The following MEGF11 variants were observed in gnomAD, a reference collection of about 807,000 sequenced individuals.
The protein encoded by MEGF11 is multiple epidermal growth factor-like domains protein 11.
In MEGF11, 126 loss-of-function variants were observed where a neutral mutation model predicts 146.6. The observed-to-expected ratio is 0.86, with a 90% CI of 0.74 to 1.00. The LOEUF is 1.00. MEGF11 is among the 50% of genes least tolerant of loss of function. The probability of loss-of-function intolerance (pLI) is 0.00; values close to 1 mark genes in which losing one functional copy is unlikely to be tolerated. For synonymous variants in MEGF11, 532 were observed against 583.4 expected, an observed-to-expected ratio of 0.91 and a Z score of 1.27; for missense variants, 1,509 against 1,521.2, an observed-to-expected ratio of 0.99 and a Z score of 0.13.
intron 10 of MEGF11, among the ~76,000 whole-genome samples, chr15:65,939,763 G>A (rs2141364891): frequency 6.6e-6 from 1 of 152,224 alleles, no homozygotes; most frequent in Non-Finnish European, 1.5e-5. Context: ...AAAGTGCTGG[G>A]ATTACAGGCG....
At chr15:66,164,196 A>G (rs2090036366) in intron 1 of MEGF11, among the ~76,000 whole-genome samples, 1 of 152,078 alleles carries the variant, frequency 6.6e-6, no homozygotes, top group African/African-American at 2.4e-5. Context: ...CCTTTCCTCC[A>G]TCTTCTATTA....
chr15:66,107,054 A>ACCCCCCCC lies in MEGF11; in HGVS notation c.301+12031_301+12032insGGGGGGGG, dbSNP rs35937464. Among the ~76,000 whole-genome samples the ACCCCCCCC allele has an allele frequency of 1.1e-3, 143 of 132,382 alleles. 1 individual carries two copies. Among genetic ancestry groups the ACCCCCCCC allele is most frequent in the African/African-American group, 3.9e-3 (134 of 34,350 alleles). The allele number at this position is 132,382 out of a possible 152,430, so 86.8% of individuals were successfully genotyped here. A position where few individuals can be genotyped will look rare whatever the true frequency, so the allele number is the denominator to read the frequency against. ...CCTGTAGTTCAATGTTTATATTCCT[A>ACCCCCCCC]CCCCCCCACCAGGTATAGACAGGGA... On this transcript the variant is annotated intron_variant, in intron 4 of 25. Transcript: ENST00000395614.
chr15:66,003,800 C>A (rs1048084361), intron 5 of MEGF11, among the ~76,000 whole-genome samples: 2 of 152,152 alleles, frequency 1.3e-5, no homozygotes, highest in African/African-American at 4.8e-5. Context: ...CCAGTCCCTC[C>A]ATTCACCCCT....
At chr15:65,952,674 GCACTCC>G (rs1055418276) in intron 10 of MEGF11, among the ~76,000 whole-genome samples, 82 of 152,288 alleles carry the variant, frequency 5.4e-4, no homozygotes, top group African/African-American at 1.9e-3. Context: ...CCACTTGTAA[GCACTCC>G]CACTGGAATG....
intron 1 of MEGF11, among the ~76,000 whole-genome samples, chr15:66,166,902 G>A (rs1422109879): frequency 6.6e-6 from 1 of 152,162 alleles, no homozygotes; most frequent in African/African-American, 2.4e-5. Context: ...GATTCTTACA[G>A]CTACAGGGTG....
chr15:66,230,567 A>G (rs2140197667), intron 1 of MEGF11, among the ~76,000 whole-genome samples: 1 of 152,378 alleles, frequency 6.6e-6, no homozygotes, highest in South Asian at 2.1e-4. Context: ...AAAGTTAATA[A>G]TAATAATGAT....
intron 22 of MEGF11, 108 bp from the exon 23 acceptor site, chr15:65,909,243 G>T: frequency 2.6e-6 from 2 of 781,698 alleles, no homozygotes; most frequent in Non-Finnish European, 4.3e-6. Flanking sequence ...GAGGCAGGCT[G>T]GGAGGACTTG....
At chr15:66,205,413 C>T (rs1241234782) in intron 1 of MEGF11, among the ~76,000 whole-genome samples, 1 of 152,122 alleles carries the variant, frequency 6.6e-6, no homozygotes, top group Non-Finnish European at 1.5e-5. Flanking sequence ...CACTGCAATT[C>T]AGCCTGGGAG....
At chr15:66,049,295 A>C (rs539748906) in intron 5 of MEGF11, among the ~76,000 whole-genome samples, 6 of 152,168 alleles carry the variant, frequency 3.9e-5, no homozygotes, top group Admixed American at 6.5e-5. Context: ...TCTGGGTTTT[A>C]AATTGCATCG....
intron 1 of MEGF11, among the ~76,000 whole-genome samples, chr15:66,160,198 G>A (rs2089900115): frequency 6.7e-6 from 1 of 148,272 alleles, no homozygotes; most frequent in African/African-American, 2.5e-5. Flanking sequence ...GCTAGAAAGG[G>A]CTTTGTTTCC....
Position 66,186,754 on chromosome 15 carries a change from T to A in MEGF11, c.-8-58343A>T, listed in dbSNP as rs537722978. 5.4e-4 allele frequency among the ~76,000 whole-genome samples: 82 copies of A among 152,352 alleles called. No homozygotes were observed. The South Asian group carries it at 0.016, about 29-fold the overall frequency. ...TTAACGACAAAATCTAACTGAGAGA[T>A]GGTCTAGACAGGTTTTCTCTCTGTC... On this transcript the variant is annotated intron_variant, in intron 1 of 25. Transcript: ENST00000395614.
chr15:66,212,322 T>A (rs62009949), intron 1 of MEGF11, among the ~76,000 whole-genome samples: 1 of 152,044 alleles, frequency 6.6e-6, no homozygotes, highest in East Asian at 2.0e-4. Context: ...CACACAGAGG[T>A]GGGACTTGGC....
intron 1 of MEGF11, among the ~76,000 whole-genome samples, chr15:66,146,209 C>T (rs900790643): frequency 6.6e-6 from 1 of 152,188 alleles, no homozygotes; most frequent in African/African-American, 2.4e-5. Context: ...AAAGATAACG[C>T]AAGCGAAAGT....
chr15:66,056,512 G>A (rs889817155), intron 5 of MEGF11, among the ~76,000 whole-genome samples: 1 of 152,148 alleles, frequency 6.6e-6, no homozygotes, highest in Non-Finnish European at 1.5e-5. Flanking sequence ...AAGAACCTTA[G>A]CCTGCCCCCG....
At chr15:65,978,759 G>A (rs893801297) in intron 7 of MEGF11, among the ~76,000 whole-genome samples, 3 of 150,662 alleles carry the variant, frequency 2.0e-5, no homozygotes, top group South Asian at 2.1e-4. Context: ...AGGTGGTGGC[G>A]GTCCCTTTTT....
chr15:66,030,283 G>A (rs929670509), intron 5 of MEGF11, among the ~76,000 whole-genome samples: 1 of 152,154 alleles, frequency 6.6e-6, no homozygotes, highest in African/African-American at 2.4e-5. Flanking sequence ...ATATATATCA[G>A]AAACCTCACA....
At chr15:65,935,061 C>T (rs2079720621) in intron 10 of MEGF11, among the ~76,000 whole-genome samples, 1 of 152,100 alleles carries the variant, frequency 6.6e-6, no homozygotes, top group African/African-American at 2.4e-5. Context: ...TGGCTCAGGC[C>T]TGTAATCCCA....
At chr15:66,049,953 A>G (rs2084383026) in intron 5 of MEGF11, among the ~76,000 whole-genome samples, 1 of 152,242 alleles carries the variant, frequency 6.6e-6, no homozygotes, top group African/African-American at 2.4e-5. Context: ...ACTAATATTT[A>G]TCAAGGGCTT....
intron 5 of MEGF11, among the ~76,000 whole-genome samples, chr15:66,054,548 CA>C (rs2084601953): frequency 1.3e-5 from 2 of 152,198 alleles, no homozygotes; most frequent in Non-Finnish European, 2.9e-5. Flanking sequence ...AAATCACCTC[CA>C]GGGGTGTCTG....
Sources: gnomAD v4.1 joint callset for allele counts (sites outside exome capture counted in the v4.1 genomes callset) on GRCh38, gnomAD v4.1.1 for gene constraint, MANE v1.5 for transcripts, NCBI Gene and HGNC (gene_info 2026-07-23, HGNC 2026-07-21) for gene names.